PTPRT: variants seen among roughly 807,000 people sequenced by gnomAD.
The protein encoded by PTPRT is protein tyrosine phosphatase receptor type T.
A neutral mutation model predicts 176.8 loss-of-function variants in PTPRT; 56 were observed. The ratio of observed to expected loss-of-function variants is 0.32; its 90% confidence interval spans 0.26 to 0.40. The LOEUF (loss-of-function observed/expected upper bound fraction) is 0.40. PTPRT is among the 10% of genes least tolerant of loss of function. The probability of loss-of-function intolerance (pLI) is 1.00; values close to 1 mark genes in which losing one functional copy is unlikely to be tolerated. For missense variants in PTPRT, 1,540 were observed against 1,908.2 expected, an observed-to-expected ratio of 0.81 and a Z score of 3.60; for synonymous variants, 783 against 739.0, an observed-to-expected ratio of 1.06 and a Z score of -0.96.
intron 7 of PTPRT, among the ~76,000 whole-genome samples, chr20:42,590,906 C>A (rs2073557976): frequency 6.8e-6 from 1 of 146,756 alleles, no homozygotes; most frequent in South Asian, 2.2e-4. Context: ...AGAAATAGAT[C>A]TAAATGTTAC....
chr20:43,059,285 C>G (rs1987361439), intron 1 of PTPRT, among the ~76,000 whole-genome samples: 1 of 152,074 alleles, frequency 6.6e-6, no homozygotes, highest in African/African-American at 2.4e-5. Context: ...AGTTTTGATT[C>G]CTTTTTGCTT....
intron 1 of PTPRT, among the ~76,000 whole-genome samples, chr20:43,050,116 G>A (rs550181352): frequency 1.8e-4 from 27 of 152,200 alleles, no homozygotes; most frequent in Non-Finnish European, 3.1e-4. Flanking sequence ...GAGCTCCAGG[G>A]CACCACACAG....
chr20:42,721,486 C>T (rs2076302183), intron 6 of PTPRT, among the ~76,000 whole-genome samples: 1 of 152,196 alleles, frequency 6.6e-6, no homozygotes, highest in African/African-American at 2.4e-5. Flanking sequence ...ACCAATCAGA[C>T]AAGGGCTGGG....
intron 1 of PTPRT, among the ~76,000 whole-genome samples, chr20:43,083,606 A>G (rs1335566466): frequency 6.6e-6 from 1 of 151,564 alleles, no homozygotes; most frequent in Non-Finnish European, 1.5e-5. Context: ...TGATCTGCCC[A>G]CCTTGGCCTC....
intron 2 of PTPRT, among the ~76,000 whole-genome samples, chr20:42,795,855 G>A (rs925212463): frequency 5.3e-5 from 8 of 152,180 alleles, no homozygotes; most frequent in Non-Finnish European, 1.2e-4. Context: ...GATCAAAGTT[G>A]TTTGTTTTCA....
intron 9 of PTPRT, among the ~76,000 whole-genome samples, chr20:42,440,857 A>G (rs1198636001): frequency 6.6e-6 from 1 of 152,200 alleles, no homozygotes; most frequent in Admixed American, 6.5e-5. Flanking sequence ...TCTGAAAGGC[A>G]TCGGCTGGGG....
intron 19 of PTPRT, among the ~76,000 whole-genome samples, chr20:42,121,002 A>C (rs1333948522): frequency 2.0e-5 from 3 of 152,324 alleles, no homozygotes; most frequent in South Asian, 4.1e-4. Context: ...TCTTTGTCTT[A>C]GATGTTGCTG....
At chr20:42,659,648 T>C (rs545775245) in intron 7 of PTPRT, among the ~76,000 whole-genome samples, 8 of 152,194 alleles carry the variant, frequency 5.3e-5, no homozygotes, top group Non-Finnish European at 1.2e-4. Flanking sequence ...GTCAAATCCA[T>C]GTACCAACTA....
At chr20:42,406,348 T>C (rs773883884) in intron 9 of PTPRT, among the ~76,000 whole-genome samples, 11 of 151,938 alleles carry the variant, frequency 7.2e-5, no homozygotes, top group Non-Finnish European at 5.9e-5. Context: ...AAAGGTGGTA[T>C]AACCATAAAT....
intron 7 of PTPRT, among the ~76,000 whole-genome samples, chr20:42,509,972 C>T (rs1298769421): frequency 6.6e-6 from 1 of 152,102 alleles, no homozygotes; most frequent in African/African-American, 2.4e-5. Context: ...AATTGAGCTC[C>T]TCCACTTGTA....
At chr20:42,351,619 G>T (rs2058285230) in intron 10 of PTPRT, among the ~76,000 whole-genome samples, 2 of 152,222 alleles carry the variant, frequency 1.3e-5, no homozygotes, top group South Asian at 2.1e-4. Flanking sequence ...TTGCTGTCTA[G>T]TGGCAGAGGG....
chr20:43,058,619 C>T (rs756022763), intron 1 of PTPRT, among the ~76,000 whole-genome samples: 8 of 152,094 alleles, frequency 5.3e-5, no homozygotes, highest in Non-Finnish European at 1.0e-4. Flanking sequence ...AAGCAATAAA[C>T]GCTTCATGCA....
intron 1 of PTPRT, among the ~76,000 whole-genome samples, chr20:42,911,566 G>A (rs1298819262): frequency 6.6e-6 from 1 of 152,016 alleles, no homozygotes; most frequent in Non-Finnish European, 1.5e-5. Flanking sequence ...ACATTATCTA[G>A]GGGCATCCTC....
intron 7 of PTPRT, among the ~76,000 whole-genome samples, chr20:42,509,712 G>A (rs1036561826): frequency 6.6e-6 from 1 of 151,798 alleles, no homozygotes; most frequent in Non-Finnish European, 1.5e-5. Flanking sequence ...ATTGTTGAAG[G>A]CAAATCACTC....
At chr20:42,709,237 T>C (rs1179012694) in intron 6 of PTPRT, among the ~76,000 whole-genome samples, 4 of 152,180 alleles carry the variant, frequency 2.6e-5, no homozygotes, top group Admixed American at 6.5e-5. Flanking sequence ...CATCTTGCAG[T>C]GTGTTACGGA....
intron 3 of PTPRT, among the ~76,000 whole-genome samples, chr20:42,786,251 C>T (rs1018694851): frequency 3.3e-5 from 5 of 151,608 alleles, no homozygotes; most frequent in Non-Finnish European, 7.3e-5. Context: ...TGAGAACAGA[C>T]TAATATACCT....
intron 9 of PTPRT, among the ~76,000 whole-genome samples, chr20:42,433,367 G>A (rs1447214911): frequency 6.6e-6 from 1 of 152,166 alleles, no homozygotes; most frequent in Non-Finnish European, 1.5e-5. Context: ...AGTGAGGGCA[G>A]AGCTTCACCT....
intron 7 of PTPRT, among the ~76,000 whole-genome samples, chr20:42,612,045 T>A (rs1206194138): frequency 1.3e-5 from 2 of 152,118 alleles, no homozygotes; most frequent in African/African-American, 4.8e-5. Context: ...GTGAGTTGCA[T>A]CATTCAGCCT....
At chr20:42,199,169 G>T in intron 16 of PTPRT, 71 bp downstream of exon 16, 1 of 1,536,512 alleles carries the variant, frequency 6.5e-7, no homozygotes, top group South Asian at 1.2e-5. Context: ...CAATGTGTGG[G>T]GTTCACAGCA....
Sources: gnomAD v4.1 joint callset for allele counts (sites outside exome capture counted in the v4.1 genomes callset) on GRCh38, gnomAD v4.1.1 for gene constraint, MANE v1.5 for transcripts, NCBI Gene and HGNC (gene_info 2026-07-23, HGNC 2026-07-21) for gene names.